Variants in NIPSNAP2 observed in about 807,000 individuals in gnomAD.
NIPSNAP2 encodes protein NipSnap homolog 2.
Under a neutral mutation model 48.4 loss-of-function variants are expected in NIPSNAP2, and 42 were observed. That is an observed-to-expected ratio of 0.87 (90% CI 0.68 to 1.12). NIPSNAP2 has a LOEUF of 1.12. Among genes scored for constraint, NIPSNAP2 ranks in the 50% most tolerant of loss-of-function variants. The probability of loss-of-function intolerance (pLI) is 0.00; values close to 1 mark genes in which losing one functional copy is unlikely to be tolerated. For missense variants in NIPSNAP2, 314 were observed against 347.3 expected, an observed-to-expected ratio of 0.90 and a Z score of 0.76; for synonymous variants, 158 against 126.6, an observed-to-expected ratio of 1.25 and a Z score of -1.67.
rs764933166 is a variant in NIPSNAP2, at chr7:55,983,836, A to AAT, written c.560_561dup (p.Glu188MetfsTer13). 6.2e-7 allele frequency: 1 copy of AAT among 1,613,976 alleles called. No homozygotes were observed. Among genetic ancestry groups the AAT allele is most frequent in the Non-Finnish European group, 8.5e-7 (1 of 1,179,902 alleles). The stretch of plus-strand genomic sequence containing the variant: ...TGAGCCTGTGCCAAGATCCGGACCT[A>AAT]ATATATATGAACTCAGGTCTTACCA... On this transcript the variant is annotated frameshift_variant, in exon 6 of 10. Coordinates refer to ENST00000322090, the MANE Select transcript of NIPSNAP2 (RefSeq NM_001483.3). LOFTEE classifies it high-confidence loss of function.
At chr7:55,982,595 C>G (rs1446970113) in intron 5 of NIPSNAP2, among the ~76,000 whole-genome samples, 1 of 150,662 alleles carries the variant, frequency 6.6e-6, no homozygotes, top group African/African-American at 2.4e-5. Flanking sequence ...AAAAAAAATA[C>G]AAAAAAATTA....
Position 55,994,933 on chromosome 7 carries a change from C to T in NIPSNAP2, c.657C>T (p.Ala219=), listed in dbSNP as rs752569585. 12 of 1,614,020 alleles carry T rather than the reference C, an allele frequency of 7.4e-6. No homozygotes were observed. The highest frequency in any genetic ancestry group is 1.3e-5 in the African/African-American group (1 of 74,904). ...AIRFRQDGNE[A]VGGFFSQIGQ... is the part of the protein sequence containing the mutation. ...GCTTCAGACAGGATGGTAACGAAGC[C>T]GTCGGAGGATTCTTCTCTCAGATTG... The change falls in exon 8 of 10, where the codon GCC becomes GCT. Residue 219 remains alanine, a synonymous_variant. Transcript: ENST00000322090.
chr7:55,965,996 A>G (rs1786885578), intron 1 of NIPSNAP2, among the ~76,000 whole-genome samples: 1 of 152,164 alleles, frequency 6.6e-6, no homozygotes, highest in African/African-American at 2.4e-5. Context: ...TGTTCTGCCA[A>G]AATGTGAGTG....
rs886747431 is a variant in NIPSNAP2, at chr7:55,974,063, A to G, written c.93-4063A>G. 5.9e-5 allele frequency among the ~76,000 whole-genome samples: 9 copies of G among 152,038 alleles called. No homozygotes were observed. The South Asian group carries it at 1.9e-3, about 32-fold the overall frequency. ...AACATGATGAAACCCTGTCCCTACT[A>G]AAAATACAAAGATTAGCCGGATGTG... On this transcript the variant is annotated intron_variant, in intron 1 of 9. Transcript: ENST00000322090.
At chr7:55,987,444 A>C (rs931015287) in intron 7 of NIPSNAP2, among the ~76,000 whole-genome samples, 4 of 152,158 alleles carry the variant, frequency 2.6e-5, no homozygotes, top group African/African-American at 9.7e-5. Flanking sequence ...CCTGGCCAAC[A>C]TGGCAAAACC....
Position 55,983,291 on chromosome 7 carries a change from G to A in NIPSNAP2, c.445-437G>A, listed in dbSNP as rs1787258644. Among the ~76,000 whole-genome samples the A allele has an allele frequency of 3.3e-5, 5 of 152,170 alleles. No homozygotes were observed. In the South Asian group the frequency reaches 1.0e-3, roughly 32 times the overall value. ...TTTGCTTTCCACCCTCCCTTCACTA[G>A]CAGGTGTTTGTCAATAGGGAGAAAT... On this transcript the variant is annotated intron_variant, in intron 5 of 9. Coordinates refer to ENST00000322090, the MANE Select transcript of NIPSNAP2 (RefSeq NM_001483.3).
rs138853209 is a variant in NIPSNAP2, at chr7:55,999,060, G to A, written c.849G>A (p.Ser283=). 4.0e-5 allele frequency: 65 copies of A among 1,613,102 alleles called. No homozygotes were observed. In the African/African-American group the frequency reaches 6.4e-4, roughly 16 times the overall value. The part of the protein sequence containing the change: ...ESRIMIPLKT[S]PLQ ...GAATCATGATCCCACTGAAGACCTC[G>A]CCCCTCCAGTAAAGCTGTAGAGTTT... The change falls in exon 10 of 10, where the codon TCG becomes TCA. Residue 283 remains serine, a synonymous_variant. Transcript: ENST00000322090.
chr7:55,979,556 C>A, intron 3 of NIPSNAP2: 1 of 337,238 alleles, frequency 3.0e-6, no homozygotes, highest in Non-Finnish European at 5.9e-6. Flanking sequence ...TTTTGGTTCT[C>A]TTGTTTCCTT....
At chr7:55,982,941 G>A (rs1318737611) in intron 5 of NIPSNAP2, among the ~76,000 whole-genome samples, 11 of 151,600 alleles carry the variant, frequency 7.3e-5, no homozygotes, top group Admixed American at 7.3e-4. Context: ...TGGCCAACAT[G>A]GCAAAACCTC....
chr7:55,986,175 T>A (rs749264493), intron 7 of NIPSNAP2, among the ~76,000 whole-genome samples: 4 of 152,024 alleles, frequency 2.6e-5, no homozygotes, highest in Non-Finnish European at 5.9e-5. Context: ...GAGACCAGCC[T>A]GGGCAACATG....
chr7:55,982,644 C>T (rs1344716507), intron 5 of NIPSNAP2, among the ~76,000 whole-genome samples: 1 of 151,424 alleles, frequency 6.6e-6, no homozygotes, highest in East Asian at 2.0e-4. Context: ...CCCAGCTACT[C>T]GGGAGGCTGA....
intron 7 of NIPSNAP2, among the ~76,000 whole-genome samples, chr7:55,994,565 T>C (rs973349343): frequency 6.6e-6 from 1 of 151,964 alleles, no homozygotes; most frequent in African/African-American, 2.4e-5. Flanking sequence ...ATACAAAAAT[T>C]AGCCGAGCAT....
intron 5 of NIPSNAP2, 121 bp downstream of exon 5, chr7:55,982,401 A>G (rs993415406): frequency 1.6e-6 from 1 of 636,866 alleles, no homozygotes; most frequent in African/African-American, 1.8e-5. Flanking sequence ...CAGAAATTTT[A>G]TTGTTTGGAC....
At chr7:55,990,292 G>A (rs1014626645) in intron 7 of NIPSNAP2, among the ~76,000 whole-genome samples, 19 of 147,512 alleles carry the variant, frequency 1.3e-4, no homozygotes, top group Admixed American at 4.8e-4. Context: ...GCAGTGGTGC[G>A]AACTCGGCTC....
intron 8 of NIPSNAP2, 65 bp downstream of exon 8, chr7:55,995,053 G>A: frequency 7.6e-7 from 1 of 1,323,674 alleles, no homozygotes; most frequent in South Asian, 1.2e-5. Flanking sequence ...GTACTGGGAA[G>A]TAGAGCACAT....
intron 7 of NIPSNAP2, among the ~76,000 whole-genome samples, chr7:55,988,114 T>G (rs1787368282): frequency 6.6e-6 from 1 of 151,898 alleles, no homozygotes; most frequent in African/African-American, 2.4e-5. Context: ...ATACAAAAAT[T>G]AACCAGGTGT....
chr7:55,969,430 A>T (rs1281097356), intron 1 of NIPSNAP2, among the ~76,000 whole-genome samples: 1 of 152,148 alleles, frequency 6.6e-6, no homozygotes, highest in Non-Finnish European at 1.5e-5. Context: ...TTCCATGGGT[A>T]TCTACCTGAC....
intron 7 of NIPSNAP2, among the ~76,000 whole-genome samples, chr7:55,990,113 G>A (rs962977592): frequency 6.6e-6 from 1 of 151,880 alleles, no homozygotes; most frequent in African/African-American, 2.4e-5. Flanking sequence ...TTGAAACATT[G>A]GGATAGTTTC....
At chr7:55,981,036 A>T (rs542419670) in intron 3 of NIPSNAP2, 3 of 152,508 alleles carry the variant, frequency 2.0e-5, no homozygotes, top group South Asian at 4.1e-4. Flanking sequence ...TGTCTTGAAC[A>T]TTACTTTCCT....
Sources: gnomAD v4.1 joint callset for allele counts (sites outside exome capture counted in the v4.1 genomes callset) on GRCh38, gnomAD v4.1.1 for gene constraint, MANE v1.5 for transcripts, NCBI Gene and HGNC (gene_info 2026-07-23, HGNC 2026-07-21) for gene names.